The following UBAP2 variants were observed in gnomAD, a reference collection of about 807,000 sequenced individuals.
The protein encoded by UBAP2 is ubiquitin associated protein 2, also known as ubiquitin-associated protein 2.
Under a neutral mutation model 139.6 loss-of-function variants are expected in UBAP2, and 75 were observed. The ratio of observed to expected loss-of-function variants is 0.54; its 90% CI spans 0.45 to 0.65. The LOEUF is 0.65. Ranked by LOEUF, UBAP2 falls within the 30% of genes least tolerant of loss-of-function variation. UBAP2 has a pLI of 0.00. For missense variants in UBAP2, 1,368 were observed against 1,369.6 expected, an observed-to-expected ratio of 1.00 and a Z score of 0.02; for synonymous variants, 526 against 526.2, an observed-to-expected ratio of 1.00 and a Z score of 0.01.
chr9:33,950,402 A>G (rs1826002113), intron 12 of UBAP2, among the ~76,000 whole-genome samples: 1 of 152,194 alleles, frequency 6.6e-6, no homozygotes, highest in Non-Finnish European at 1.5e-5. Context: ...ATTTAAGGTC[A>G]AAAACAAATA....
At chr9:33,994,753 C>G (rs1220715482) in intron 4 of UBAP2, 1 of 151,790 alleles carries the variant, frequency 6.6e-6, no homozygotes, top group Admixed American at 6.6e-5. Flanking sequence ...TACTGCTACA[C>G]TCAAACAGTG....
intron 16 of UBAP2, chr9:33,938,795 C>CAAA (rs10577457): frequency 2.4e-4 from 74 of 310,412 alleles, no homozygotes; most frequent in Admixed American, 4.3e-4. Flanking sequence ...GACTCCATCT[C>CAAA]AAAAAAAAAA....
intron 2 of UBAP2, among the ~76,000 whole-genome samples, chr9:34,008,739 G>A (rs1348405407): frequency 6.6e-6 from 1 of 152,026 alleles, no homozygotes; most frequent in East Asian, 1.9e-4. Flanking sequence ...GGCTGAGGCA[G>A]GCGGATCACA....
At chr9:33,983,337 T>C (rs1384156026) in intron 6 of UBAP2, among the ~76,000 whole-genome samples, 1 of 152,164 alleles carries the variant, frequency 6.6e-6, no homozygotes, top group African/African-American at 2.4e-5. Context: ...GTGTAGTCAG[T>C]AGTGGGATTT....
chr9:33,963,897 C>A, intron 8 of UBAP2, 106 bp from the exon 9 acceptor site: 1 of 781,310 alleles, frequency 1.3e-6, no homozygotes, highest in Non-Finnish European at 2.2e-6. Context: ...TGCGTTACTG[C>A]CCAAGGATAG....
intron 2 of UBAP2, among the ~76,000 whole-genome samples, chr9:34,005,627 T>G (rs1823138866): frequency 6.8e-6 from 1 of 147,144 alleles, no homozygotes; most frequent in South Asian, 2.2e-4. Context: ...AGAATAAAAC[T>G]GGGGAAATTT....
At chr9:33,973,564 A>G (rs1020218601) in intron 6 of UBAP2, among the ~76,000 whole-genome samples, 3 of 152,246 alleles carry the variant, frequency 2.0e-5, no homozygotes, top group East Asian at 3.8e-4. Flanking sequence ...ATAAGCCACT[A>G]CTATAAATGA....
At chr9:33,942,533 G>A (rs780545586) in intron 15 of UBAP2, among the ~76,000 whole-genome samples, 4 of 152,024 alleles carry the variant, frequency 2.6e-5, no homozygotes, top group Non-Finnish European at 5.9e-5. Flanking sequence ...TTTGAGGCCA[G>A]TCTGGGCAAC....
chr9:34,009,955 G>A (rs534692949), intron 2 of UBAP2, among the ~76,000 whole-genome samples: 59 of 151,188 alleles, frequency 3.9e-4, no homozygotes, highest in African/African-American at 1.4e-3. Flanking sequence ...TTACAGGCAT[G>A]TGCCACCATG....
chr9:33,941,710 T>C lies in UBAP2; in HGVS notation c.1868A>G (p.His623Arg), dbSNP rs1307336172. ...AGGGCTTTGGTATGGGATCCTGTTA[T>C]GCACAGAACTCTGGTCATAAGAGGA... ...MSSSYDQSSV[H>R]NRIPYQSPVS... Residue 623 changes from histidine to arginine, a missense_variant, in exon 16 of 29, where the codon CAT (histidine) becomes CGT (arginine). Transcript: ENST00000379238. 1.2e-6 allele frequency: 2 copies of C among 1,614,184 alleles called. No individual in the cohort carries two copies. Among genetic ancestry groups the C allele is most frequent in the Non-Finnish European group, 1.7e-6 (2 of 1,180,038 alleles).
chr9:33,949,093 G>C (rs1329121928), intron 12 of UBAP2: 1 of 154,176 alleles, frequency 6.5e-6, no homozygotes, highest in Non-Finnish European at 1.4e-5. Flanking sequence ...CATGAACCCA[G>C]GAGGCGGAGC....
chr9:33,923,140 G>GCCCAC (rs1433091289), intron 26 of UBAP2, 46 bp downstream of exon 26: 6 of 1,611,492 alleles, frequency 3.7e-6, no homozygotes, highest in Non-Finnish European at 3.4e-6. Context: ...TCAGGCAGGA[G>GCCCAC]CCCACCACTC....
chr9:34,041,378 T>C (rs561913150), intron 1 of UBAP2, among the ~76,000 whole-genome samples: 6 of 150,518 alleles, frequency 4.0e-5, no homozygotes, highest in African/African-American at 1.2e-4. Context: ...GGCAGGAGAA[T>C]TGCTTGAACC....
At chr9:33,926,558 A>AG (rs1472291296) in intron 22 of UBAP2, 59 bp downstream of exon 22, 3 of 1,590,008 alleles carry the variant, frequency 1.9e-6, no homozygotes, top group Non-Finnish European at 2.6e-6. Context: ...AGACCATAAG[A>AG]GGGGGGACAT....
At chr9:33,924,098 G>T in intron 23 of UBAP2, 98 bp from the exon 24 acceptor site, 2 of 1,584,484 alleles carry the variant, frequency 1.3e-6, no homozygotes, top group Non-Finnish European at 1.7e-6. Context: ...TGCCAGCTCA[G>T]CACAGGCTAC....
intron 2 of UBAP2, among the ~76,000 whole-genome samples, chr9:34,009,864 A>C (rs954056113): frequency 1.3e-5 from 2 of 149,702 alleles, no homozygotes; most frequent in African/African-American, 4.9e-5. Context: ...CTGGAGTACA[A>C]TGGTGGGATC....
intron 1 of UBAP2, among the ~76,000 whole-genome samples, chr9:34,022,455 T>TTA (rs1825041681): frequency 1.4e-5 from 2 of 141,784 alleles, no homozygotes; most frequent in Non-Finnish European, 1.5e-5. Flanking sequence ...TTTTTTTTTT[T>TTA]AAGACACAGT....
chr9:33,973,249 C>A lies in UBAP2; in HGVS notation c.521-12G>T. On this transcript the variant is annotated splice_polypyrimidine_tract_variant and intron_variant, in intron 6 of 28. Transcript: ENST00000379238. ...GCCACGTCCAAATCCTTTAAAAAAA[C>A]ACACAATTATAGTATAAAATAATAC... 4 of 1,613,310 alleles carry A rather than the reference C, an allele frequency of 2.5e-6. No individual in the cohort carries two copies. The highest frequency in any genetic ancestry group is 1.1e-5 in the South Asian group (1 of 91,046).
intron 24 of UBAP2, 37 bp from the exon 25 acceptor site, chr9:33,923,515 G>T: frequency 1.3e-6 from 2 of 1,594,232 alleles, no homozygotes; most frequent in Non-Finnish European, 1.7e-6. Context: ...AGTGTAGGAA[G>T]AGGCAAGCTG....
Sources: allele counts gnomAD v4.1 joint callset (sites outside exome capture counted in the v4.1 genomes callset), GRCh38; gene constraint gnomAD v4.1.1; transcripts MANE v1.5; gene names NCBI Gene and HGNC (gene_info 2026-07-23, HGNC 2026-07-21).